Variants in PSMA1 observed in about 807,000 individuals in gnomAD.
PSMA1 encodes proteasome subunit alpha type-1.
Under a neutral mutation model 38.4 loss-of-function variants are expected in PSMA1, and 3 were observed. That is an observed-to-expected ratio of 0.08 (90% CI 0.04 to 0.20). The LOEUF (loss-of-function observed/expected upper bound fraction) is 0.20, where lower values mean the gene tolerates loss of function less well. Among genes scored for constraint, PSMA1 ranks in the 10% least tolerant of loss-of-function variants. The pLI, the probability that PSMA1 is intolerant of heterozygous loss-of-function variation, is 1.00. For synonymous variants in PSMA1, 101 were observed against 107.1 expected (o/e 0.94, Z 0.35); for missense variants, 227 against 325.3 (o/e 0.70, Z 2.32).
intron 1 of PSMA1, among the ~76,000 whole-genome samples, chr11:14,639,394 CA>C (rs1853170182): frequency 6.6e-6 from 1 of 151,844 alleles, no homozygotes; most frequent in African/African-American, 2.4e-5. Flanking sequence ...CTAATAAAGC[CA>C]AAAATCAAAG....
At chr11:14,633,960 G>A (rs552756425) in intron 1 of PSMA1, among the ~76,000 whole-genome samples, 6 of 152,204 alleles carry the variant, frequency 3.9e-5, no homozygotes, top group Middle Eastern at 3.4e-3. Context: ...GACCCCTTGC[G>A]CTTCCCAAGT....
At chr11:14,557,194 C>A (rs1204977958) in intron 2 of PSMA1, among the ~76,000 whole-genome samples, 1 of 152,094 alleles carries the variant, frequency 6.6e-6, no homozygotes, top group Non-Finnish European at 1.5e-5. Flanking sequence ...TTCTAGGTTT[C>A]TTATCTTTCC....
chr11:14,570,855 A>C (rs1852130914), intron 2 of PSMA1, among the ~76,000 whole-genome samples: 1 of 152,184 alleles, frequency 6.6e-6, no homozygotes, highest in Non-Finnish European at 1.5e-5. Flanking sequence ...TACAGAGACC[A>C]CCACAAAGAT....
At chr11:14,594,999 A>T (rs1436930099) in intron 2 of PSMA1, among the ~76,000 whole-genome samples, 1 of 152,082 alleles carries the variant, frequency 6.6e-6, no homozygotes, top group Admixed American at 6.5e-5. Context: ...ATGGGTGAGA[A>T]CACGCACTGT....
chr11:14,557,284 C>T (rs1430127258), intron 2 of PSMA1, among the ~76,000 whole-genome samples: 2 of 152,156 alleles, frequency 1.3e-5, no homozygotes, highest in African/African-American at 4.8e-5. Context: ...TGTCACCAGG[C>T]TGGAGTGCAG....
intron 2 of PSMA1, among the ~76,000 whole-genome samples, chr11:14,526,005 C>T (rs533194834): frequency 1.9e-4 from 29 of 152,252 alleles, no homozygotes; most frequent in African/African-American, 6.5e-4. Context: ...CAAAGGATAT[C>T]GGGTATCCCC....
rs1258250775 is a variant in PSMA1 at position 14,534,567 on chromosome 11, G to C, written c.22-15526C>G. Among the ~76,000 whole-genome samples the C allele has an allele frequency of 6.6e-6, 1 of 152,032 alleles. No homozygotes were observed. Among genetic ancestry groups the C allele is most frequent in the African/African-American group, 2.4e-5 (1 of 41,382 alleles). ...TGGTGTGATCAAAGTTCACTCCTGG[G>C]CTCAAGCAACTCTCCTGCCTCAGCC... On this transcript the variant is annotated intron_variant, in intron 2 of 10. Transcript: ENST00000418988. The surrounding 1 kb of genome is among the most constrained non-coding windows in gnomAD (Gnocchi z 4.5).
chr11:14,620,670 G>A (rs1039395037), intron 1 of PSMA1, among the ~76,000 whole-genome samples: 1 of 152,204 alleles, frequency 6.6e-6, no homozygotes, highest in Admixed American at 6.5e-5. Flanking sequence ...ACCTAGTTGT[G>A]AGATATTGAT....
chr11:14,575,419 C>CCCA (rs1279447962), intron 2 of PSMA1, among the ~76,000 whole-genome samples: 41 of 152,074 alleles, frequency 2.7e-4, no homozygotes, highest in African/African-American at 9.4e-4. Context: ...CTACCCCCAC[C>CCCA]CCACCTCAGG....
chr11:14,544,612 C>G (rs1685227022), intron 2 of PSMA1, among the ~76,000 whole-genome samples: 1 of 152,072 alleles, frequency 6.6e-6, no homozygotes, highest in Non-Finnish European at 1.5e-5. Context: ...AAATATAAAC[C>G]AAAACTACAA....
At position 14,605,453 on chromosome 11, in the gene PSMA1, G is replaced by A. The variant is rs538942357; in HGVS notation, c.21+5513C>T. Among the ~76,000 whole-genome samples, 6 of 152,120 alleles carry A rather than the reference G, an allele frequency of 3.9e-5. No individual in the cohort carries two copies. In the East Asian group the frequency reaches 1.2e-3, roughly 29 times the overall value. On this transcript the variant is annotated intron_variant, in intron 2 of 10. Coordinates refer to the PSMA1 transcript ENST00000418988. ...GGTTGGAATACAACGGCGTGATCTT[G>A]GCTCACTGCAGCCTCAATCGCCCAG...
At chr11:14,638,847 A>C (rs981433486) in intron 1 of PSMA1, among the ~76,000 whole-genome samples, 2 of 151,132 alleles carry the variant, frequency 1.3e-5, no homozygotes, top group African/African-American at 4.9e-5. Context: ...GATCCTTCAG[A>C]TCTGCTGGGA....
chr11:14,583,898 G>A (rs1852310046), intron 2 of PSMA1, among the ~76,000 whole-genome samples: 1 of 152,056 alleles, frequency 6.6e-6, no homozygotes, highest in Non-Finnish European at 1.5e-5. Flanking sequence ...CTTTTCACTT[G>A]GGGGACTCCT....
chr11:14,629,225 G>C (rs1267951506), intron 1 of PSMA1, among the ~76,000 whole-genome samples: 3 of 152,068 alleles, frequency 2.0e-5, no homozygotes, highest in African/African-American at 7.2e-5. Context: ...TGGTGTTTTA[G>C]ACATGAAGTC....
intron 2 of PSMA1, among the ~76,000 whole-genome samples, chr11:14,584,916 A>G (rs928201832): frequency 2.0e-5 from 3 of 152,118 alleles, no homozygotes; most frequent in African/African-American, 4.8e-5. Flanking sequence ...CTCCTTTCAC[A>G]TGGTTAAAGG....
At chr11:14,527,049 C>A (rs2134157187) in intron 2 of PSMA1, among the ~76,000 whole-genome samples, 1 of 152,254 alleles carries the variant, frequency 6.6e-6, no homozygotes, top group Admixed American at 6.5e-5. Flanking sequence ...GTTATATGGG[C>A]TGAAAGAGGT....
intron 2 of PSMA1, chr11:14,610,929 CATTCTGTGTTTT>C: frequency 6.2e-7 from 1 of 1,601,446 alleles, no homozygotes. Context: ...GAAATCTATG[CATTCTGTGTTTT>C]ATCAAAAAGC....
At chr11:14,532,107 T>C (rs943615315) in intron 2 of PSMA1, among the ~76,000 whole-genome samples, 5 of 93,726 alleles carry the variant, frequency 5.3e-5, no homozygotes, top group African/African-American at 1.7e-4. Context: ...TATCCAATAC[T>C]TTTTTCTGTG....
At chr11:14,507,174 GT>G (rs762363593) in intron 9 of PSMA1, among the ~76,000 whole-genome samples, 70 of 143,876 alleles carry the variant, frequency 4.9e-4, no homozygotes, top group South Asian at 4.4e-4. Flanking sequence ...TTTTGTGTTT[GT>G]TTTTTTTTTT....
Sources: gnomAD v4.1 joint callset for allele counts (sites outside exome capture counted in the v4.1 genomes callset) on GRCh38, gnomAD v4.1.1 for gene constraint, Gnocchi (gnomAD v3.1) non-coding constraint, MANE v1.5 for transcripts, NCBI Gene and HGNC (gene_info 2026-07-23, HGNC 2026-07-21) for gene names.